Variants in PTPRZ1 observed in about 807,000 individuals in gnomAD.
PTPRZ1 encodes protein tyrosine phosphatase receptor type Z1.
A neutral mutation model predicts 214.1 loss-of-function variants in PTPRZ1; 82 were observed. That is an observed-to-expected ratio of 0.38 (90% CI 0.32 to 0.46). The LOEUF (loss-of-function observed/expected upper bound fraction) is 0.46, where lower values mean the gene tolerates loss of function less well. Ranked by LOEUF, PTPRZ1 falls within the 20% of genes least tolerant of loss-of-function variation. The pLI is 1.00. For synonymous variants in PTPRZ1, 945 were observed against 987.9 expected, an observed-to-expected ratio of 0.96 and a Z score of 0.81; for missense variants, 2,603 against 2,748.7, an observed-to-expected ratio of 0.95 and a Z score of 1.19.
chr7:121,974,618 G>T (rs1329127398), intron 4 of PTPRZ1, among the ~76,000 whole-genome samples: 12 of 152,056 alleles, frequency 7.9e-5, no homozygotes, highest in Non-Finnish European at 1.6e-4. Context: ...CTCTCGAGTT[G>T]CTGGGATTAC....
At chr7:121,985,054 C>T (rs987242044) in intron 8 of PTPRZ1, among the ~76,000 whole-genome samples, 3 of 152,100 alleles carry the variant, frequency 2.0e-5, no homozygotes, top group South Asian at 4.2e-4. Flanking sequence ...GAAGATTAGG[C>T]ATTAAAACAA....
intron 1 of PTPRZ1, among the ~76,000 whole-genome samples, chr7:121,888,748 A>G (rs916064497): frequency 1.3e-5 from 2 of 152,212 alleles, no homozygotes; most frequent in African/African-American, 2.4e-5. Context: ...AGAGAAAACA[A>G]CACATCTGAG....
At chr7:121,948,331 C>A (rs538273710) in intron 2 of PTPRZ1, among the ~76,000 whole-genome samples, 1 of 152,194 alleles carries the variant, frequency 6.6e-6, no homozygotes, top group East Asian at 1.9e-4. Context: ...AAAGAATAAA[C>A]CTGGCCAAAC....
chr7:121,997,363 C>G (rs1337458496), intron 9 of PTPRZ1, among the ~76,000 whole-genome samples: 1 of 152,022 alleles, frequency 6.6e-6, no homozygotes, highest in African/African-American at 2.4e-5. Context: ...TTTTAGTAAC[C>G]TTTTAATTCA....
At chr7:122,042,798 A>G in intron 22 of PTPRZ1, 55 bp downstream of exon 22, 1 of 1,546,252 alleles carries the variant, frequency 6.5e-7, no homozygotes. Flanking sequence ...ATGTCACTAA[A>G]ATGTAGGTGT....
intron 23 of PTPRZ1, among the ~76,000 whole-genome samples, chr7:122,047,393 GCTT>G (rs796595842): frequency 9.2e-5 from 14 of 152,212 alleles, no homozygotes; most frequent in African/African-American, 3.4e-4. Context: ...AGACATGAGA[GCTT>G]CTTTAAAAAC....
chr7:121,937,016 G>T (rs1450906408), intron 2 of PTPRZ1, among the ~76,000 whole-genome samples: 1 of 152,176 alleles, frequency 6.6e-6, no homozygotes, highest in Non-Finnish European at 1.5e-5. Context: ...TCTCTTGGCT[G>T]GATGCAGAGG....
chr7:122,042,478 A>G, intron 21 of PTPRZ1, 130 bp from the exon 22 acceptor site: 1 of 873,556 alleles, frequency 1.1e-6, no homozygotes, highest in Non-Finnish European at 1.7e-6. Context: ...TGAATTGCCA[A>G]ATGTATTGTG....
Position 121,962,309 on chromosome 7 carries a change from G to A in PTPRZ1, c.125-5642G>A, listed in dbSNP as rs368385561. On this transcript the variant is annotated intron_variant, in intron 2 of 29. Coordinates refer to ENST00000393386, the MANE Select transcript of PTPRZ1 (RefSeq NM_002851.3). ...TAAAAATACAAAAAGTTAGCTGGGC[G>A]TGGTGGCACTTGCCTGTAATCCCAG... 2.2e-4 allele frequency among the ~76,000 whole-genome samples: 33 copies of A among 151,778 alleles called. No homozygotes were observed. The East Asian group carries it at 4.6e-3, about 21-fold the overall frequency.
At chr7:121,942,469 T>G (rs1365205145) in intron 2 of PTPRZ1, among the ~76,000 whole-genome samples, 1 of 152,208 alleles carries the variant, frequency 6.6e-6, no homozygotes, top group Non-Finnish European at 1.5e-5. Context: ...CAGAGTATAT[T>G]TGGGGAGAAA....
In PTPRZ1 at chr7:121,873,349, CAA is replaced by C. The variant is rs1491274148; in HGVS notation, c.-149_-148del. The C allele has an allele frequency of 8.9e-6, 6 of 676,946 alleles. 1 individual carries two copies. The highest frequency in any genetic ancestry group is 8.2e-4 in the Middle Eastern group (2 of 2,436). 41.9% of individuals were successfully genotyped at this position (676,946 alleles called of 1,614,324 possible). A position where few individuals can be genotyped will look rare whatever the true frequency, so the allele number is the denominator to read the frequency against. ...TCTCTCACACACACACACACACACA[CAA>C]ACACACATACGCACGCACGATCTCA... On this transcript the variant is annotated 5_prime_UTR_variant, in exon 1 of 30. Coordinates refer to ENST00000393386, the MANE Select transcript of PTPRZ1 (RefSeq NM_002851.3).
chr7:121,992,991 C>T (rs1237676374), intron 8 of PTPRZ1, among the ~76,000 whole-genome samples: 1 of 152,138 alleles, frequency 6.6e-6, no homozygotes, highest in African/African-American at 2.4e-5. Flanking sequence ...GGTTCTCCTT[C>T]TTAGCCAGTG....
intron 13 of PTPRZ1, among the ~76,000 whole-genome samples, chr7:122,023,382 A>G (rs1175022765): frequency 2.7e-5 from 4 of 149,916 alleles, no homozygotes; most frequent in East Asian, 3.9e-4. Context: ...CCTGTTTACC[A>G]TTTGGGTAGG....
intron 12 of PTPRZ1, among the ~76,000 whole-genome samples, chr7:122,017,224 A>G (rs1049916020): frequency 2.0e-5 from 3 of 152,184 alleles, no homozygotes; most frequent in Non-Finnish European, 4.4e-5. Context: ...ATGTTTTTCT[A>G]AATTTTATAA....
chr7:121,890,442 C>T lies in PTPRZ1; in HGVS notation c.58+16885C>T, dbSNP rs577408954. 8.7e-4 allele frequency among the ~76,000 whole-genome samples: 132 copies of T among 152,168 alleles called. 2 individuals carry two copies. The highest frequency in any genetic ancestry group is 3.4e-3 in the Middle Eastern group (1 of 294). On this transcript the variant is annotated intron_variant, in intron 1 of 29. Coordinates refer to ENST00000393386, the MANE Select transcript of PTPRZ1 (RefSeq NM_002851.3). ...TCTCCATCCACTGCTACCACCTATC[C>T]ACACTTGCATCATGTCTTCTTGGGT...
At chr7:121,925,680 C>T (rs1183040841) in intron 1 of PTPRZ1, among the ~76,000 whole-genome samples, 5 of 152,158 alleles carry the variant, frequency 3.3e-5, no homozygotes, top group African/African-American at 1.2e-4. Context: ...GCAGGACATT[C>T]AGGGCCATAA....
intron 2 of PTPRZ1, among the ~76,000 whole-genome samples, chr7:121,953,200 GT>G (rs1314542292): frequency 2.0e-5 from 3 of 151,986 alleles, no homozygotes; most frequent in Non-Finnish European, 4.4e-5. Context: ...TTTAATTTGG[GT>G]ATTAATTTTT....
At chr7:121,884,565 T>C (rs1794342294) in intron 1 of PTPRZ1, among the ~76,000 whole-genome samples, 1 of 152,236 alleles carries the variant, frequency 6.6e-6, no homozygotes, top group Non-Finnish European at 1.5e-5. Flanking sequence ...ATGCCGCTTC[T>C]TCCTGTGACC....
chr7:121,937,988 A>C (rs1796135072), intron 2 of PTPRZ1, among the ~76,000 whole-genome samples: 1 of 152,176 alleles, frequency 6.6e-6, no homozygotes, highest in African/African-American at 2.4e-5. Context: ...TTCATCTAAG[A>C]AAATCATGTA....
Sources: gnomAD v4.1 joint callset for allele counts (sites outside exome capture counted in the v4.1 genomes callset) on GRCh38, gnomAD v4.1.1 for gene constraint, MANE v1.5 for transcripts, NCBI Gene and HGNC (gene_info 2026-07-23, HGNC 2026-07-21) for gene names.